The following MYO5A variants were observed in gnomAD, a reference collection of about 807,000 sequenced individuals.
The protein encoded by MYO5A is myosin VA.
Under a neutral mutation model 249.7 loss-of-function variants are expected in MYO5A, and 98 were observed. That is an observed-to-expected ratio of 0.39 (90% CI 0.33 to 0.46). MYO5A has a LOEUF of 0.46. Ranked by LOEUF, MYO5A falls within the 20% of genes least tolerant of loss-of-function variation. The pLI is 0.98. For synonymous variants in MYO5A, 778 were observed against 810.6 expected, an observed-to-expected ratio of 0.96 and a Z score of 0.68; for missense variants, 1,696 against 2,308.8, an observed-to-expected ratio of 0.73 and a Z score of 5.44.
intron 38 of MYO5A, among the ~76,000 whole-genome samples, chr15:52,320,182 C>T (rs781300135): frequency 5.3e-5 from 8 of 152,300 alleles, no homozygotes; most frequent in East Asian, 1.9e-4. Context: ...ACCTGTGGCC[C>T]GGCTGCTTCC....
intron 4 of MYO5A, among the ~76,000 whole-genome samples, chr15:52,419,445 A>C (rs895247222): frequency 3.9e-5 from 6 of 152,194 alleles, no homozygotes; most frequent in Non-Finnish European, 5.9e-5. Flanking sequence ...ATCATCACTC[A>C]TCAAAATCAA....
At position 52,384,134 on chromosome 15, in the gene MYO5A, G is replaced by A. The variant is rs141837917; in HGVS notation, c.1914+27C>T. On this transcript the variant is annotated intron_variant, in intron 15 of 41. Coordinates refer to ENST00000399233, the MANE Select transcript of MYO5A (RefSeq NM_001382347.1). ...TCAGATGAGCCAGAAAGGAAGGAGC[G>A]TGGCAGCGGCAGCTCCCTGAACTCA... is the stretch of plus-strand genomic sequence containing the variant. 1,025 of 1,613,702 alleles carry A rather than the reference G, an allele frequency of 6.4e-4. 8 individuals are homozygous for A. The East Asian group carries it at 0.012, about 19-fold the overall frequency.
intron 1 of MYO5A, among the ~76,000 whole-genome samples, chr15:52,479,775 GA>G (rs59235607): frequency 0.033 from 5,090 of 152,246 alleles, 227 homozygotes; most frequent in African/African-American, 0.1. Flanking sequence ...GAACCATACT[GA>G]AAGTCCATGG....
intron 25 of MYO5A, among the ~76,000 whole-genome samples, chr15:52,354,647 A>G (rs1408956530): frequency 3.3e-5 from 5 of 152,212 alleles, no homozygotes; most frequent in African/African-American, 1.2e-4. Context: ...CAAGGTCAGG[A>G]GTTCAAGACC....
Position 52,428,388 on chromosome 15 carries a change from G to C in MYO5A, c.310+10C>G. On this transcript the variant is annotated intron_variant, in intron 3 of 41. Coordinates refer to ENST00000399233, the MANE Select transcript of MYO5A (RefSeq NM_001382347.1). ...GTCCACAGTCTATTCGGAAAGCAAAGCATACTTACCACAATACGTATAAAT... is the reference window on the plus strand; with the variant it reads ...GTCCACAGTCTATTCGGAAAGCAAACCATACTTACCACAATACGTATAAAT... 1 of 1,611,710 alleles carries C rather than the reference G, an allele frequency of 6.2e-7. No individual in the cohort carries two copies. The highest frequency in any genetic ancestry group is 1.3e-5 in the African/African-American group (1 of 74,988).
chr15:52,321,128 G>A (rs2038288524), intron 38 of MYO5A, among the ~76,000 whole-genome samples: 1 of 152,162 alleles, frequency 6.6e-6, no homozygotes, highest in Non-Finnish European at 1.5e-5. Flanking sequence ...GTAAACATTA[G>A]GGAAGGAAAC....
chr15:52,346,430 T>G lies in MYO5A; in HGVS notation c.3890A>C (p.Glu1297Ala). The change falls in exon 30 of 42, where the codon GAA (glutamate) becomes GCA (alanine). Residue 1297 changes from glutamate to alanine, a missense_variant. By Grantham distance (107) the Glu-to-Ala change is moderately radical (BLOSUM62 -1). Coordinates refer to ENST00000399233, the MANE Select transcript of MYO5A (RefSeq NM_001382347.1). Reference protein sequence around the residue: ...NTMTDSTILLEDVQKMKDKGE... With the variant: ...NTMTDSTILLADVQKMKDKGE... ...TTTATCTTTCATTTTTTGTACATCT[T>G]CCAAAAGTATTGTGGAATCTGTCAT... The G allele has an allele frequency of 6.2e-7, 1 of 1,605,920 alleles. No individual in the cohort carries two copies. The highest frequency in any genetic ancestry group is 2.2e-5 in the East Asian group (1 of 44,814).
At chr15:52,319,705 T>G (rs2038208812) in intron 38 of MYO5A, among the ~76,000 whole-genome samples, 1 of 152,102 alleles carries the variant, frequency 6.6e-6, no homozygotes, top group African/African-American at 2.4e-5. Flanking sequence ...GGCTCCAGGC[T>G]GGGTGACAGA....
intron 16 of MYO5A, among the ~76,000 whole-genome samples, chr15:52,381,932 C>T (rs565173678): frequency 6.6e-6 from 1 of 152,308 alleles, no homozygotes; most frequent in East Asian, 1.9e-4. Context: ...GACGAAGTCT[C>T]ACTCTTGTCC....
At position 52,396,435 on chromosome 15, in the gene MYO5A, G is replaced by T. The variant is rs181684006; in HGVS notation, c.1320-38C>A. ...AAATAATATGAAAAGGGGAGAAAAG[G>T]AACAAAAAGCTTTTTAAAAATATTC... On this transcript the variant is annotated intron_variant, in intron 10 of 41. Transcript: ENST00000399233. 530 of 1,218,060 alleles carry T rather than the reference G, an allele frequency of 4.4e-4. 3 individuals are homozygous for T. The highest frequency in any genetic ancestry group is 3.6e-3 in the African/African-American group (242 of 66,798). The allele number at this position is 1,218,060 out of a possible 1,614,324, so 75.5% of individuals were successfully genotyped here. A position where few individuals can be genotyped will look rare whatever the true frequency, so the allele number is the denominator to read the frequency against.
In MYO5A at chr15:52,456,213, C is replaced by A. The variant is rs555869898; in HGVS notation, c.28-22928G>T. Among the ~76,000 whole-genome samples the A allele has an allele frequency of 2.5e-3, 375 of 152,134 alleles. 2 individuals carry two copies. The highest frequency in any genetic ancestry group is 4.6e-3 in the Non-Finnish European group (316 of 67,968). On this transcript the variant is annotated intron_variant, in intron 1 of 41. Transcript: ENST00000399233. ...ATCAAGAAATTAACCCCATTCACAA[C>A]TGCTACAAATAATATAAAATACCTA...
chr15:52,382,863 T>C (rs2041815219), intron 16 of MYO5A, among the ~76,000 whole-genome samples: 1 of 152,186 alleles, frequency 6.6e-6, no homozygotes, highest in African/African-American at 2.4e-5. Flanking sequence ...TTGGTTGACC[T>C]CAAGTTTTCA....
chr15:52,500,370 G>T (rs2077129165), intron 1 of MYO5A, among the ~76,000 whole-genome samples: 1 of 129,840 alleles, frequency 7.7e-6, no homozygotes. Context: ...TTTTGAGATG[G>T]AGTTTCGCTC....
At chr15:52,356,800 C>CTTTTTTTTTTTTTTTTTTTT (rs11316458) in intron 25 of MYO5A, among the ~76,000 whole-genome samples, 1 of 105,820 alleles carries the variant, frequency 9.5e-6, no homozygotes, top group Non-Finnish European at 1.7e-5. Context: ...ATTTCTTTGA[C>CTTTTTTTTTTTTTTTTTTTT]TTTTTTTTTT....
At chr15:52,473,086 T>C (rs2076511715) in intron 1 of MYO5A, among the ~76,000 whole-genome samples, 1 of 152,374 alleles carries the variant, frequency 6.6e-6, no homozygotes, top group African/African-American at 2.4e-5. Context: ...ATCGCCATTC[T>C]AACTGGTGTG....
rs2037851798 is a variant in MYO5A at position 52,313,566 on chromosome 15, T to G, written c.*130A>C. ...GAAAGTATTCTAGGGAGATTTCCAG[T>G]TAATGACTTCTCATTTGGGAGATAA... On this transcript the variant is annotated 3_prime_UTR_variant, in exon 42 of 42. Coordinates refer to ENST00000399233, the MANE Select transcript of MYO5A (RefSeq NM_001382347.1). 8.5e-7 allele frequency: 1 copy of G among 1,171,006 alleles called. No individual in the cohort carries two copies. The highest frequency in any genetic ancestry group is 1.2e-6 in the Non-Finnish European group (1 of 808,684). 72.5% of individuals were successfully genotyped at this position (1,171,006 alleles called of 1,614,324 possible). A position where few individuals can be genotyped will look rare whatever the true frequency, so the allele number is the denominator to read the frequency against.
In MYO5A at chr15:52,384,203, T is replaced by G. The variant is rs150624865; in HGVS notation, c.1872A>C (p.Pro624=). Residue 624 remains proline, a synonymous_variant, in exon 15 of 42, where the codon CCA becomes CCC. Transcript: ENST00000399233. ...TCTTGTGCTCTTTGGCCATTTGGCC[T>G]GGTCTGCCTTTGGTGGGCTTTGCAG... ...RTPAKPTKGR[P]GQMAKEHKKT... is the part of the protein sequence containing the mutation. 4.0e-4 allele frequency: 649 copies of G among 1,614,196 alleles called. 3 individuals carry two copies. In the African/African-American group the frequency reaches 8.2e-3, roughly 20 times the overall value.
chr15:52,469,889 G>T (rs879878523), intron 1 of MYO5A, among the ~76,000 whole-genome samples: 2 of 152,132 alleles, frequency 1.3e-5, no homozygotes, highest in African/African-American at 2.4e-5. Flanking sequence ...CTTTGGTGTA[G>T]TGTCTATTTG....
chr15:52,352,519 C>T (rs1306753169), intron 27 of MYO5A, among the ~76,000 whole-genome samples: 2 of 152,228 alleles, frequency 1.3e-5, no homozygotes, highest in Admixed American at 6.5e-5. Flanking sequence ...CTGTGGCTCA[C>T]GCCTGTAATC....
Sources: gnomAD v4.1 joint callset for allele counts (sites outside exome capture counted in the v4.1 genomes callset) on GRCh38, gnomAD v4.1.1 for gene constraint, MANE v1.5 for transcripts, NCBI Gene and HGNC (gene_info 2026-07-23, HGNC 2026-07-21) for gene names.